The following CTNND2 variants were observed in gnomAD, a reference collection of about 807,000 sequenced individuals.
The protein encoded by CTNND2 is catenin delta 2, also known as catenin delta-2.
A neutral mutation model predicts 144.4 loss-of-function variants in CTNND2; 22 were observed. The observed-to-expected ratio is 0.15, with a 90% CI of 0.11 to 0.22. The LOEUF (loss-of-function observed/expected upper bound fraction) is 0.22. CTNND2 is among the 10% of genes least tolerant of loss of function. CTNND2 has a pLI of 1.00. For synonymous variants in CTNND2, 751 were observed against 695.6 expected (o/e 1.08, Z -1.25); for missense variants, 1,353 against 1,618.8 (o/e 0.84, Z 2.82).
chr5:11,806,334 A>T (rs999909219), intron 1 of CTNND2, among the ~76,000 whole-genome samples: 15 of 152,258 alleles, frequency 9.9e-5, no homozygotes, highest in African/African-American at 2.9e-4. Context: ...AATTATCTTA[A>T]AATGTATTTT....
At chr5:11,717,724 G>A (rs370442518) in intron 2 of CTNND2, among the ~76,000 whole-genome samples, 124 of 152,276 alleles carry the variant, frequency 8.1e-4, no homozygotes, top group African/African-American at 2.8e-3. Flanking sequence ...GGGGGCAGGC[G>A]AAAGAGAGAT....
At chr5:11,646,500 C>T (rs910063371) in intron 2 of CTNND2, among the ~76,000 whole-genome samples, 1 of 152,172 alleles carries the variant, frequency 6.6e-6, no homozygotes, top group Non-Finnish European at 1.5e-5. Context: ...TGAACGTTTC[C>T]TTGGAATACA....
At chr5:11,067,036 TCAGGGCCTGGGGAAGGGA>T (rs1159966453) in intron 16 of CTNND2, among the ~76,000 whole-genome samples, 7 of 152,228 alleles carry the variant, frequency 4.6e-5, no homozygotes, top group East Asian at 3.9e-4. Flanking sequence ...ATGCTGTCAG[TCAGGGCCTGGGGAAGGGA>T]CAGGGCCTGG....
chr5:11,439,414 G>A (rs1416117506), intron 3 of CTNND2, among the ~76,000 whole-genome samples: 4 of 152,190 alleles, frequency 2.6e-5, no homozygotes, highest in Non-Finnish European at 5.9e-5. Flanking sequence ...TCATAAAGAG[G>A]AAGTCACTTT....
chr5:11,903,010 G>A lies in CTNND2; in HGVS notation c.37+807C>T, dbSNP rs1170949909. 5.5e-6 allele frequency: 1 copy of A among 181,108 alleles called. No individual in the cohort carries two copies. The highest frequency in any genetic ancestry group is 2.4e-5 in the African/African-American group (1 of 41,932). 11.2% of individuals were successfully genotyped at this position (181,108 alleles called of 1,614,324 possible). A position where few individuals can be genotyped will look rare whatever the true frequency, so the allele number is the denominator to read the frequency against. The stretch of plus-strand genomic sequence containing the variant: ...CTAGTGACTTAATTCTGAAAGCAGA[G>A]GCTCAACCTGCCGAGTGGCAATCGA... On this transcript the variant is annotated intron_variant, in intron 1 of 21. Coordinates refer to ENST00000304623, the MANE Select transcript of CTNND2 (RefSeq NM_001332.4). This position sits in a 1 kb window ranked among gnomAD's most constrained non-coding sequence, Gnocchi z 5.4.
intron 8 of CTNND2, among the ~76,000 whole-genome samples, chr5:11,362,667 T>C (rs950360174): frequency 1.3e-5 from 2 of 152,222 alleles, no homozygotes; most frequent in Non-Finnish European, 2.9e-5. Context: ...GTCACAATCA[T>C]AGCACATCTC....
intron 7 of CTNND2, among the ~76,000 whole-genome samples, chr5:11,369,563 T>C (rs1218283366): frequency 6.6e-6 from 1 of 152,108 alleles, no homozygotes; most frequent in Non-Finnish European, 1.5e-5. Flanking sequence ...TTGTAGGTAC[T>C]AGTTAATCCT....
At chr5:10,978,647 G>A (rs1280006160) in intron 21 of CTNND2, among the ~76,000 whole-genome samples, 2 of 152,176 alleles carry the variant, frequency 1.3e-5, no homozygotes, top group African/African-American at 4.8e-5. Context: ...CTCTGCCGGG[G>A]GCTTGCCTGC....
chr5:11,107,578 G>A (rs963742800), intron 14 of CTNND2, among the ~76,000 whole-genome samples: 1 of 152,192 alleles, frequency 6.6e-6, no homozygotes, highest in African/African-American at 2.4e-5. Flanking sequence ...AGTCTGGCAG[G>A]ATCAAAAGTC....
Position 11,098,587 on chromosome 5 carries a change from T to C in CTNND2, c.2625A>G (p.Ala875=), listed in dbSNP as rs1338665394. ...GAACTGGCCATACCTTCCAGCTCCC[T>C]GCAGCCAAGTTCTGCAGGGCGCCTG... ...GAAGALQNLA[A]GSWKWSVYIR... is the part of the protein sequence containing the mutation. Residue 875 remains alanine, a synonymous_variant, in exon 15 of 22, where the codon GCA becomes GCG. Coordinates refer to ENST00000304623, the MANE Select transcript of CTNND2 (RefSeq NM_001332.4). The C allele has an allele frequency of 1.2e-6, 2 of 1,613,876 alleles. No individual in the cohort carries two copies. Among genetic ancestry groups the C allele is most frequent in the Non-Finnish European group, 1.7e-6 (2 of 1,179,890 alleles).
At chr5:11,206,589 T>C (rs1738074791) in intron 10 of CTNND2, among the ~76,000 whole-genome samples, 1 of 152,236 alleles carries the variant, frequency 6.6e-6, no homozygotes, top group Non-Finnish European at 1.5e-5. Flanking sequence ...TCACAAAGCA[T>C]TGACAATTAC....
chr5:11,511,376 C>G (rs369830166), intron 3 of CTNND2, among the ~76,000 whole-genome samples: 3 of 152,010 alleles, frequency 2.0e-5, no homozygotes, highest in African/African-American at 7.2e-5. Flanking sequence ...GGAAGATGAG[C>G]GATGGCAGGG....
At chr5:11,208,364 G>A (rs1738269287) in intron 10 of CTNND2, among the ~76,000 whole-genome samples, 1 of 151,956 alleles carries the variant, frequency 6.6e-6, no homozygotes, top group Non-Finnish European at 1.5e-5. Context: ...AAGTTCATCT[G>A]GAAGAATGAA....
intron 2 of CTNND2, among the ~76,000 whole-genome samples, chr5:11,627,673 G>C (rs913539604): frequency 6.6e-6 from 1 of 151,852 alleles, no homozygotes; most frequent in Non-Finnish European, 1.5e-5. Flanking sequence ...CAGTTTCATG[G>C]AAGACAATTT....
At chr5:11,687,302 G>A (rs531978757) in intron 2 of CTNND2, among the ~76,000 whole-genome samples, 101 of 152,200 alleles carry the variant, frequency 6.6e-4, no homozygotes, top group Non-Finnish European at 9.3e-4. Context: ...AGGCAACAAG[G>A]GGCCGTGATC....
rs200444519 is a variant in CTNND2 at position 11,153,976 on chromosome 5, C to G, written c.2159+5600G>C. ...CTAGATTAAAAGGTAAAAAAGTATG[C>G]TCTGCAAGCTTCTACCCATAGTTCA... On this transcript the variant is annotated intron_variant, in intron 12 of 21. Coordinates refer to ENST00000304623, the MANE Select transcript of CTNND2 (RefSeq NM_001332.4). Among the ~76,000 whole-genome samples, 3 of 149,926 alleles carry G rather than the reference C, an allele frequency of 2.0e-5. No homozygotes were observed. The East Asian group carries it at 5.8e-4, about 29-fold the overall frequency.
chr5:11,322,342 T>TA (rs1267162457), intron 9 of CTNND2, among the ~76,000 whole-genome samples: 1 of 152,184 alleles, frequency 6.6e-6, no homozygotes, highest in African/African-American at 2.4e-5. Context: ...AGACGTATCT[T>TA]ACTCATCTTG....
At chr5:11,652,573 T>C (rs373584027) in intron 2 of CTNND2, among the ~76,000 whole-genome samples, 19 of 152,320 alleles carry the variant, frequency 1.2e-4, no homozygotes, top group African/African-American at 3.8e-4. Context: ...TAGGAAAGCA[T>C]TGTTTCTTTA....
intron 1 of CTNND2, among the ~76,000 whole-genome samples, chr5:11,887,190 A>G (rs1035112794): frequency 1.3e-5 from 2 of 151,780 alleles, no homozygotes; most frequent in Non-Finnish European, 2.9e-5. Flanking sequence ...TAACCATGTT[A>G]GCCAGAATGG....
Sources: allele counts gnomAD v4.1 joint callset (sites outside exome capture counted in the v4.1 genomes callset), GRCh38; gene constraint gnomAD v4.1.1; non-coding constraint Gnocchi (gnomAD v3.1); transcripts MANE v1.5; gene names NCBI Gene and HGNC (gene_info 2026-07-23, HGNC 2026-07-21).